Variants in JAK1 observed in about 807,000 individuals in gnomAD.
JAK1 encodes the protein tyrosine-protein kinase JAK1.
Under a neutral mutation model 136.6 loss-of-function variants are expected in JAK1, and 16 were observed. The observed-to-expected ratio is 0.12, with a 90% CI of 0.08 to 0.18. The LOEUF is 0.18. Ranked by LOEUF, JAK1 falls within the 10% of genes least tolerant of loss-of-function variation. The probability of loss-of-function intolerance (pLI) is 1.00; values close to 1 mark genes in which losing one functional copy is unlikely to be tolerated. For missense variants in JAK1, 859 were observed against 1,450.1 expected (o/e 0.59, Z 6.62); for synonymous variants, 492 against 519.5 (o/e 0.95, Z 0.72).
chr1:64,850,153 G>A (rs1018121424), intron 12 of JAK1, among the ~76,000 whole-genome samples: 8 of 152,098 alleles, frequency 5.3e-5, no homozygotes, highest in East Asian at 1.9e-4. Flanking sequence ...ATACCCCAAC[G>A]CGTGGCCCTA....
intron 6 of JAK1, among the ~76,000 whole-genome samples, chr1:64,867,974 C>T (rs1656810131): frequency 6.6e-6 from 1 of 151,742 alleles, no homozygotes; most frequent in Non-Finnish European, 1.5e-5. Flanking sequence ...TGGGCAACAA[C>T]AGCAAAACTC....
At chr1:65,023,888 C>T (rs971120202) in intron 2 of JAK1, among the ~76,000 whole-genome samples, 1 of 149,228 alleles carries the variant, frequency 6.7e-6, no homozygotes, top group Non-Finnish European at 1.5e-5. Flanking sequence ...TGGTGTCTTT[C>T]ACTCACCATG....
At chr1:64,912,588 A>G (rs1199180067) in intron 1 of JAK1, among the ~76,000 whole-genome samples, 1 of 152,244 alleles carries the variant, frequency 6.6e-6, no homozygotes. Flanking sequence ...CTATGCCACT[A>G]ACAATGCTAA....
At chr1:65,046,641 C>T (rs1440947016) in intron 1 of JAK1, among the ~76,000 whole-genome samples, 1 of 152,000 alleles carries the variant, frequency 6.6e-6, no homozygotes, top group African/African-American at 2.4e-5. Flanking sequence ...GAATCTGGCA[C>T]TGGGGATGGG....
At chr1:65,025,312 G>A (rs1646969249) in intron 2 of JAK1, among the ~76,000 whole-genome samples, 1 of 152,170 alleles carries the variant, frequency 6.6e-6, no homozygotes. Flanking sequence ...CCAAGTCGGG[G>A]AAGAGAGAGA....
chr1:64,939,557 T>C (rs1010932129), intron 1 of JAK1, among the ~76,000 whole-genome samples: 5 of 152,310 alleles, frequency 3.3e-5, no homozygotes, highest in African/African-American at 1.2e-4. Context: ...CAAATATTGG[T>C]TTCTTCATCT....
intron 2 of JAK1, among the ~76,000 whole-genome samples, chr1:65,043,314 A>T (rs1284036459): frequency 6.6e-6 from 1 of 152,208 alleles, no homozygotes; most frequent in Non-Finnish European, 1.5e-5. Flanking sequence ...AAGGTCTCCT[A>T]GCTAGGAAGT....
intron 2 of JAK1, 101 bp downstream of exon 2, chr1:64,886,158 A>C (rs1321599071): frequency 1.4e-6 from 1 of 708,424 alleles, no homozygotes; most frequent in Non-Finnish European, 2.4e-6. Context: ...AAAAAATTAA[A>C]GGCAATAGCA....
At chr1:64,915,736 A>T (rs970401402) in intron 1 of JAK1, among the ~76,000 whole-genome samples, 2 of 152,194 alleles carry the variant, frequency 1.3e-5, no homozygotes, top group Admixed American at 1.3e-4. Flanking sequence ...GTGGCTAGTG[A>T]CTATTTTATT....
intron 1 of JAK1, among the ~76,000 whole-genome samples, chr1:64,915,471 G>C (rs935122590): frequency 6.6e-6 from 1 of 152,192 alleles, no homozygotes; most frequent in African/African-American, 2.4e-5. Context: ...CCAGTAACTG[G>C]GGTGAAGAAA....
chr1:64,989,000 GTGTATA>G (rs1044959673), intron 2 of JAK1, among the ~76,000 whole-genome samples: 9 of 91,860 alleles, frequency 9.8e-5, no homozygotes, highest in African/African-American at 2.8e-4. Context: ...GTGTGTGTGT[GTGTATA>G]TATATATATA....
chr1:64,837,369 G>A (rs1303790199), intron 22 of JAK1, among the ~76,000 whole-genome samples: 1 of 152,200 alleles, frequency 6.6e-6, no homozygotes, highest in Non-Finnish European at 1.5e-5. Context: ...GTGGTTACGT[G>A]GCAGGGTGCG....
At chr1:64,933,045 G>A (rs1279953391) in intron 1 of JAK1, among the ~76,000 whole-genome samples, 4 of 151,862 alleles carry the variant, frequency 2.6e-5, no homozygotes, top group Non-Finnish European at 5.9e-5. Context: ...GTAACAATGA[G>A]AAAAAATAAT....
intron 1 of JAK1, among the ~76,000 whole-genome samples, chr1:64,958,038 A>T (rs1646222058): frequency 6.6e-6 from 1 of 152,250 alleles, no homozygotes; most frequent in African/African-American, 2.4e-5. Context: ...ACAAACAGTA[A>T]TATAATTGCT....
At chr1:64,869,624 A>T in intron 5 of JAK1, 150 bp from the exon 6 acceptor site, 1 of 640,146 alleles carries the variant, frequency 1.6e-6, no homozygotes, top group Non-Finnish European at 2.7e-6. Context: ...TCTTTTAAAC[A>T]GAGTTGGGTG....
intron 3 of JAK1, among the ~76,000 whole-genome samples, chr1:64,879,966 AATCAGCT>A (rs1644744570): frequency 6.6e-6 from 1 of 152,204 alleles, no homozygotes; most frequent in African/African-American, 2.4e-5. Context: ...GACTGCCAAT[AATCAGCT>A]ATTACTGATA....
chr1:64,873,667 A>G lies in JAK1; in HGVS notation c.330-144T>C, dbSNP rs1657215646. ...ACAACCCTGCCCCTTGTAGCCCCTC[A>G]CCATCTCTTTCCTTCTTACTAGCGC... On this transcript the variant is annotated intron_variant, in intron 4 of 24. Coordinates refer to ENST00000342505, the MANE Select transcript of JAK1 (RefSeq NM_002227.4). 3.6e-6 allele frequency: 3 copies of G among 825,256 alleles called. No homozygotes were observed. In the South Asian group the frequency reaches 4.9e-5, roughly 14 times the overall value. 51.1% of individuals were successfully genotyped at this position (825,256 alleles called of 1,614,324 possible). A position where few individuals can be genotyped will look rare whatever the true frequency, so the allele number is the denominator to read the frequency against.
intron 2 of JAK1, chr1:64,989,879 G>A (rs1646638923): frequency 6.6e-6 from 1 of 152,240 alleles, no homozygotes; most frequent in African/African-American, 2.4e-5. Flanking sequence ...TGATTCCTAA[G>A]CTCAGTGAAA....
intron 2 of JAK1, among the ~76,000 whole-genome samples, chr1:65,040,210 T>A (rs1403655795): frequency 1.3e-5 from 2 of 148,298 alleles, no homozygotes; most frequent in African/African-American, 2.5e-5. Flanking sequence ...AGCAAGACCC[T>A]GTCTCCAAAA....
Sources: gnomAD v4.1 joint callset for allele counts (sites outside exome capture counted in the v4.1 genomes callset) on GRCh38, gnomAD v4.1.1 for gene constraint, MANE v1.5 for transcripts, NCBI Gene and HGNC (gene_info 2026-07-23, HGNC 2026-07-21) for gene names.